The following SLC17A4 variants were observed in gnomAD, a reference collection of about 807,000 sequenced individuals.
SLC17A4 encodes the protein solute carrier family 17 member 4, also known as probable small intestine urate exporter.
Under a neutral mutation model 52.5 loss-of-function variants are expected in SLC17A4, and 33 were observed. The observed-to-expected ratio is 0.63, with a 90% confidence interval of 0.48 to 0.84. The LOEUF (loss-of-function observed/expected upper bound fraction) is 0.84, where lower values mean the gene tolerates loss of function less well. Ranked by LOEUF, SLC17A4 falls within the 40% of genes least tolerant of loss-of-function variation. SLC17A4 has a pLI of 0.00. For missense variants in SLC17A4, 585 were observed against 597.1 expected (o/e 0.98, Z 0.21); for synonymous variants, 225 against 216.2 (o/e 1.04, Z -0.36).
chr6:25,761,990 A>T lies in SLC17A4; in HGVS notation c.28A>T (p.Thr10Ser). 6.2e-7 allele frequency: 1 copy of T among 1,613,392 alleles called. No homozygotes were observed. Among genetic ancestry groups the T allele is most frequent in the Non-Finnish European group, 8.5e-7 (1 of 1,179,780 alleles). The change falls in exon 2 of 12, where the codon ACA becomes TCA. Residue 10 changes from threonine (T) to serine (S), a missense_variant. Transcript: ENST00000377905. The stretch of plus-strand genomic sequence containing the variant: ...GTCTACCGGACCAGATGTCAAGGCT[A>T]CAGTGGGGGACATTTCCAGTGATGG... MSTGPDVKA[T>S]VGDISSDGNL...
At position 25,779,208 on chromosome 6, in the gene SLC17A4, A is replaced by T. The variant is rs765367707; in HGVS notation, c.*20A>T. ...CTCTGAGCAAACCGAGAGATGTGCT[A>T]GATCCTGGTGCTTAGTTCATCATTG... On this transcript the variant is annotated 3_prime_UTR_variant, in exon 12 of 12. Transcript: ENST00000377905. 6.2e-7 allele frequency: 1 copy of T among 1,612,766 alleles called. No homozygotes were observed. The highest frequency in any genetic ancestry group is 1.7e-5 in the Admixed American group (1 of 59,876).
At chr6:25,758,558 G>T (rs1315957799) in intron 1 of SLC17A4, among the ~76,000 whole-genome samples, 1 of 151,896 alleles carries the variant, frequency 6.6e-6, no homozygotes, top group Non-Finnish European at 1.5e-5. Context: ...TCTCCTCTAG[G>T]TTTTCTAGTT....
At chr6:25,765,884 G>A (rs1761967991) in intron 2 of SLC17A4, among the ~76,000 whole-genome samples, 1 of 151,940 alleles carries the variant, frequency 6.6e-6, no homozygotes, top group South Asian at 2.1e-4. Context: ...ACATACAAGA[G>A]CTGGTTCTTT....
chr6:25,764,646 C>T (rs1380561546), intron 2 of SLC17A4, among the ~76,000 whole-genome samples: 1 of 152,218 alleles, frequency 6.6e-6, no homozygotes, highest in Non-Finnish European at 1.5e-5. Context: ...TGCTGTGGAG[C>T]TTCAGCTTGT....
At chr6:25,774,711 G>A (rs1221341275) in intron 8 of SLC17A4, among the ~76,000 whole-genome samples, 4 of 152,144 alleles carry the variant, frequency 2.6e-5, no homozygotes, top group Non-Finnish European at 5.9e-5. Flanking sequence ...GACCCTCAGA[G>A]GCCAAGGCTG....
chr6:25,766,113 A>C (rs1039141106), intron 2 of SLC17A4, among the ~76,000 whole-genome samples: 2 of 150,652 alleles, frequency 1.3e-5, no homozygotes, highest in African/African-American at 4.8e-5. Context: ...AACTTATTAA[A>C]ATTTAATATT....
Position 25,779,271 on chromosome 6 carries a change from A to T in SLC17A4, c.*83A>T. The stretch of plus-strand genomic sequence containing the variant: ...GACATTTCTCTTTCATGCCTGCTTG[A>T]CTGATAAGCCATTAGCTAGACCCTG... On this transcript the variant is annotated 3_prime_UTR_variant, in exon 12 of 12. Transcript: ENST00000377905. The T allele has an allele frequency of 6.4e-7, 1 of 1,566,488 alleles. No individual in the cohort carries two copies. The highest frequency in any genetic ancestry group is 1.2e-5 in the South Asian group (1 of 84,686).
rs924716358 is a variant in SLC17A4 at position 25,776,333 on chromosome 6, G to A, written c.988-262G>A. On this transcript the variant is annotated intron_variant, in intron 8 of 11. Transcript: ENST00000377905. ...CTGTTATTACCCTTTGCCTATTTTT[G>A]TACTGGGTTTTGGTCTTTTAAATAT... 7.4e-5 allele frequency among the ~76,000 whole-genome samples: 11 copies of A among 149,308 alleles called. No individual in the cohort carries two copies. The East Asian group carries it at 2.0e-3, about 27-fold the overall frequency.
chr6:25,776,481 AAAGTG>A, intron 8 of SLC17A4, 109 bp from the exon 9 acceptor site: 1 of 1,263,914 alleles, frequency 7.9e-7, no homozygotes, highest in South Asian at 1.6e-5. Context: ...ATTTGTATTA[AAAGTG>A]ATGCGTATAT....
Position 25,770,261 on chromosome 6 carries a change from C to T in SLC17A4, c.492C>T (p.Ala164=), listed in dbSNP as rs766967507. ...FIPLAANAGV[A]LLIVLRIVQG... ...CACTGGCAGCTAATGCGGGAGTGGC[C>T]TTGCTCATTGTCCTCCGGATTGTAC... The change falls in exon 4 of 12, where the codon GCC becomes GCT. Residue 164 remains alanine (A), a synonymous_variant. Transcript: ENST00000377905. 8 of 1,614,122 alleles carry T rather than the reference C, an allele frequency of 5.0e-6. No homozygotes were observed. The highest frequency in any genetic ancestry group is 1.7e-5 in the Admixed American group (1 of 60,008).
intron 11 of SLC17A4, 100 bp downstream of exon 11, chr6:25,778,116 G>T: frequency 1.3e-6 from 1 of 791,434 alleles, no homozygotes; most frequent in South Asian, 2.0e-5. Flanking sequence ...TGCTTTTAAA[G>T]TAGTCAAAAA....
intron 8 of SLC17A4, 39 bp downstream of exon 8, chr6:25,773,713 AT>A (rs762615301): frequency 6.3e-7 from 1 of 1,593,704 alleles, no homozygotes; most frequent in Admixed American, 1.7e-5. Flanking sequence ...TTCTGTTTAA[AT>A]GCTTAAATAA....
At chr6:25,763,163 T>C (rs75211304) in intron 2 of SLC17A4, among the ~76,000 whole-genome samples, 3,269 of 152,286 alleles carry the variant, frequency 0.021, 78 homozygotes, top group African/African-American at 0.058. Flanking sequence ...TTCTGGTTCC[T>C]TCTATAGTCT....
intron 2 of SLC17A4, among the ~76,000 whole-genome samples, 158 bp from the exon 3 acceptor site, chr6:25,768,827 C>G (rs1412363256): frequency 6.6e-6 from 1 of 152,170 alleles, no homozygotes; most frequent in Non-Finnish European, 1.5e-5. Context: ...CCATTACCTC[C>G]CAGGGGAACA....
rs894218964 is a variant in SLC17A4, at chr6:25,769,046, C to T, written c.153C>T (p.Tyr51=). 2 of 1,614,076 alleles carry T rather than the reference C, an allele frequency of 1.2e-6. No individual in the cohort carries two copies. Among genetic ancestry groups the T allele is most frequent in the Non-Finnish European group, 1.7e-6 (2 of 1,180,004 alleles). ...LILQLCNFSI[Y]TQQMNLSIAI... is the part of the protein sequence containing the mutation. Reference sequence around the variant, plus strand: ...TGCAGCTCTGTAATTTTTCAATTTACACCCAACAAATGAACTTGAGCATTG... The same window carrying T: ...TGCAGCTCTGTAATTTTTCAATTTATACCCAACAAATGAACTTGAGCATTG... Residue 51 remains tyrosine, a synonymous_variant, in exon 3 of 12, where the codon TAC becomes TAT. Transcript: ENST00000377905.
chr6:25,758,164 C>T (rs1761185407), intron 1 of SLC17A4, among the ~76,000 whole-genome samples: 2 of 152,196 alleles, frequency 1.3e-5, no homozygotes, highest in Non-Finnish European at 1.5e-5. Flanking sequence ...TTTATGCACA[C>T]ACATGCACAC....
intron 2 of SLC17A4, among the ~76,000 whole-genome samples, chr6:25,764,778 C>G (rs1761863444): frequency 6.6e-6 from 1 of 152,216 alleles, no homozygotes; most frequent in African/African-American, 2.4e-5. Context: ...CATCCTGCAG[C>G]TTTCCCCTCA....
chr6:25,779,412 C>T lies in SLC17A4; in HGVS notation c.*224C>T. 1 of 484,980 alleles carries T rather than the reference C, an allele frequency of 2.1e-6. No individual in the cohort carries two copies. The highest frequency in any genetic ancestry group is 3.3e-5 in the South Asian group (1 of 30,092). 30.0% of individuals were successfully genotyped at this position (484,980 alleles called of 1,614,324 possible). ...AGGTGTGTTGAGATTTCTGTGTTCT[C>T]CACTCTTCCACTGTTATCCTAGTAA... On this transcript the variant is annotated 3_prime_UTR_variant, in exon 12 of 12. Coordinates refer to ENST00000377905, the MANE Select transcript of SLC17A4 (RefSeq NM_005495.3).
At chr6:25,766,688 C>A (rs1484063495) in intron 2 of SLC17A4, among the ~76,000 whole-genome samples, 2 of 152,076 alleles carry the variant, frequency 1.3e-5, no homozygotes, top group Non-Finnish European at 2.9e-5. Context: ...ACACATAATC[C>A]CAGTCTAATC....
Sources: allele counts gnomAD v4.1 joint callset (sites outside exome capture counted in the v4.1 genomes callset), GRCh38; gene constraint gnomAD v4.1.1; transcripts MANE v1.5; gene names NCBI Gene and HGNC (gene_info 2026-07-23, HGNC 2026-07-21).